Variants in ZNF57 observed in about 807,000 individuals in gnomAD.
ZNF57 encodes zinc finger protein 57.
A neutral mutation model predicts 13.4 loss-of-function variants in ZNF57; 11 were observed. The observed-to-expected ratio is 0.82, with a 90% confidence interval of 0.52 to 1.36. ZNF57 has a LOEUF of 1.36. Ranked by LOEUF, ZNF57 falls within the 40% of genes most tolerant of loss-of-function variation. The pLI is 0.00. For synonymous variants in ZNF57, 224 were observed against 238.5 expected (o/e 0.94, Z 0.56); for missense variants, 696 against 667.5 (o/e 1.04, Z -0.47).
At chr19:2,901,730 A>G (rs935287085) in intron 1 of ZNF57, among the ~76,000 whole-genome samples, 14 of 151,970 alleles carry the variant, frequency 9.2e-5, no homozygotes, top group Non-Finnish European at 1.8e-4. Flanking sequence ...TGTTGGCCAG[A>G]ATGGTCTCGA....
rs778496568 is a variant in ZNF57 at position 2,918,224 on chromosome 19, C to T, written c.1603C>T (p.Gln535Ter). 19 of 1,613,812 alleles carry T rather than the reference C, an allele frequency of 1.2e-5. No homozygotes were observed. The highest frequency in any genetic ancestry group is 1.5e-5 in the Non-Finnish European group (18 of 1,179,898). ...CACAGGACAGAAATCCCACGAATGT[C>T]AGTCATACTCAAAAGCCTTCAGTTG... Reference protein sequence around the residue: ...MHTGQKSHECQSYSKAFSCQV... With the variant: ...MHTGQKSHEC Residue 535 changes from glutamine (Q) to a stop codon, truncating the protein, a stop_gained, in exon 4 of 4, where the codon CAG becomes TAG. Coordinates refer to ENST00000306908, the MANE Select transcript of ZNF57 (RefSeq NM_173480.3). LOFTEE classifies it low-confidence loss of function (END_TRUNC).
At chr19:2,916,431 G>A (rs967905458) in intron 3 of ZNF57, 182 bp downstream of exon 3, 8 of 578,110 alleles carry the variant, frequency 1.4e-5, no homozygotes, top group African/African-American at 1.1e-4. Flanking sequence ...AATTACAGGG[G>A]GCCGGGCGCG....
chr19:2,916,855 C>G (rs1052173982), intron 3 of ZNF57, 69 bp from the exon 4 acceptor site: 1 of 1,308,060 alleles, frequency 7.6e-7, no homozygotes, highest in Non-Finnish European at 1.0e-6. Context: ...ATTTCTAATA[C>G]TTGTTAATAC....
At chr19:2,912,876 GT>G (rs1450179436) in intron 1 of ZNF57, among the ~76,000 whole-genome samples, 1 of 151,966 alleles carries the variant, frequency 6.6e-6, no homozygotes, top group Non-Finnish European at 1.5e-5. Context: ...TCTCCTTTTT[GT>G]TTTGATTTGC....
chr19:2,912,554 C>T (rs1257220477), intron 1 of ZNF57, among the ~76,000 whole-genome samples: 3 of 152,068 alleles, frequency 2.0e-5, no homozygotes, highest in Admixed American at 6.6e-5. Flanking sequence ...CCTCTCTCTT[C>T]AGTTTGAGGG....
chr19:2,917,015 A>G lies in ZNF57; in HGVS notation c.394A>G (p.Lys132Glu), dbSNP rs1755766843. 6.2e-7 allele frequency: 1 copy of G among 1,614,184 alleles called. No individual in the cohort carries two copies. Among genetic ancestry groups the G allele is most frequent in the Non-Finnish European group, 8.5e-7 (1 of 1,180,014 alleles). Reference sequence around the variant, plus strand: ...AATGCCAGATCTTACCCTGCACAAGAAAGTTTCTGCTGGAGAAAAACCATA... The same window carrying G: ...AATGCCAGATCTTACCCTGCACAAGGAAGTTTCTGCTGGAGAAAAACCATA... ...HQMPDLTLHK[K>E]VSAGEKPYEC... The change falls in exon 4 of 4, where the codon AAA becomes GAA. Residue 132 changes from lysine to glutamate, a missense_variant. This residue lies in a region of ZNF57 where 645 missense variants were observed against 591.5 expected (regional missense o/e 1.09). Transcript: ENST00000306908.
rs961794624 is a variant in ZNF57 at position 2,917,018 on chromosome 19, G to A, written c.397G>A (p.Val133Ile). The change falls in exon 4 of 4, where the codon GTT (valine) becomes ATT (isoleucine). Residue 133 changes from valine (V) to isoleucine (I), a missense_variant. By Grantham distance (29) the Val-to-Ile change is conservative (BLOSUM62 3). Transcript: ENST00000306908. ...GCCAGATCTTACCCTGCACAAGAAA[G>A]TTTCTGCTGGAGAAAAACCATATGA... ...QMPDLTLHKK[V>I]SAGEKPYECT... 1.9e-6 allele frequency: 3 copies of A among 1,614,186 alleles called. No individual in the cohort carries two copies. In the African/African-American group the frequency reaches 4.0e-5, roughly 22 times the overall value.
Position 2,916,254 on chromosome 19 carries a change from GT to G in ZNF57, c.302+7del. 6.3e-7 allele frequency: 1 copy of G among 1,595,840 alleles called. No homozygotes were observed. The highest frequency in any genetic ancestry group is 8.5e-7 in the Non-Finnish European group (1 of 1,172,134). ...AGACCACCACAAAAATCTGAGGTGA[GT>G]TGCACTCACAAGAGAAAAATCCTTG... is the stretch of plus-strand genomic sequence containing the variant. On this transcript the variant is annotated splice_donor_region_variant and intron_variant, in intron 3 of 3. Transcript: ENST00000306908.
At chr19:2,905,051 G>A (rs967612675) in intron 1 of ZNF57, among the ~76,000 whole-genome samples, 6 of 152,118 alleles carry the variant, frequency 3.9e-5, no homozygotes, top group Admixed American at 6.6e-5. Context: ...ACTGCCCCTC[G>A]TTTCCAGCAT....
At chr19:2,908,803 C>T (rs1052295253) in intron 1 of ZNF57, among the ~76,000 whole-genome samples, 1 of 152,136 alleles carries the variant, frequency 6.6e-6, no homozygotes, top group Admixed American at 6.6e-5. Context: ...TCAGTTATCA[C>T]TCTCCTATTG....
intron 1 of ZNF57, among the ~76,000 whole-genome samples, chr19:2,911,047 T>C (rs1488451136): frequency 6.6e-6 from 1 of 150,646 alleles, no homozygotes; most frequent in African/African-American, 2.4e-5. Context: ...TTTCCTTTTT[T>C]TAGTGATAGC....
chr19:2,903,054 C>T (rs1402520431), intron 1 of ZNF57, among the ~76,000 whole-genome samples: 1 of 152,160 alleles, frequency 6.6e-6, no homozygotes, highest in Non-Finnish European at 1.5e-5. Context: ...GTCCTCCTGC[C>T]TCGTAGAACA....
chr19:2,902,361 A>G (rs2088037672), intron 1 of ZNF57, among the ~76,000 whole-genome samples: 2 of 152,086 alleles, frequency 1.3e-5, no homozygotes, highest in Admixed American at 1.3e-4. Flanking sequence ...CTTAGTGACA[A>G]TAGGAAAATG....
chr19:2,916,073 TGCAGA>T lies in ZNF57; in HGVS notation c.131-4_131del. 6.2e-7 allele frequency: 1 copy of T among 1,604,692 alleles called. No individual in the cohort carries two copies. Among genetic ancestry groups the T allele is most frequent in the South Asian group, 1.1e-5 (1 of 89,876 alleles). On this transcript the variant is annotated splice_acceptor_variant and splice_polypyrimidine_tract_variant and coding_sequence_variant and intron_variant, in exon 3 of 4. Coordinates refer to ENST00000306908, the MANE Select transcript of ZNF57 (RefSeq NM_173480.3). LOFTEE classifies it high-confidence loss of function. ...TTTTGAGATTTGTTTACTTTTTTGT[TGCAGA>T]TGATGGGACTCAATTTAAAGCCAAT...
chr19:2,908,027 GT>G (rs537421428), intron 1 of ZNF57, among the ~76,000 whole-genome samples: 52 of 152,246 alleles, frequency 3.4e-4, no homozygotes, highest in African/African-American at 1.2e-3. Flanking sequence ...ATCAAGATTT[GT>G]TTCTCCATTG....
At chr19:2,903,966 C>T (rs1311647890) in intron 1 of ZNF57, among the ~76,000 whole-genome samples, 9 of 152,172 alleles carry the variant, frequency 5.9e-5, no homozygotes, top group Non-Finnish European at 5.9e-5. Context: ...CCGCTCGCCT[C>T]AGCCTCCGAA....
chr19:2,905,303 T>C (rs2088062700), intron 1 of ZNF57, among the ~76,000 whole-genome samples: 1 of 149,894 alleles, frequency 6.7e-6, no homozygotes, highest in Non-Finnish European at 1.5e-5. Context: ...TAGCTGAGAT[T>C]ACAGGCACAT....
rs1414692342 is a variant in ZNF57, at chr19:2,915,570, T to C, written c.52T>C (p.Trp18Arg). Residue 18 changes from tryptophan to arginine, a missense_variant, in exon 2 of 4, where the codon TGG (tryptophan) becomes CGG (arginine). Transcript: ENST00000306908. ...GGCTGTGGACTTCACCCTGGAGGAG[T>C]GGGCTTTGCTGGATTCTGCTCAGAG... ...DVAVDFTLEE[W>R]ALLDSAQRDL... 1 of 1,613,770 alleles carries C rather than the reference T, an allele frequency of 6.2e-7. No individual in the cohort carries two copies. The highest frequency in any genetic ancestry group is 1.3e-5 in the African/African-American group (1 of 74,862).
chr19:2,910,680 TCAATCTCC>T (rs540344893), intron 1 of ZNF57, among the ~76,000 whole-genome samples: 4,546 of 113,872 alleles, frequency 0.04, 1,089 homozygotes, highest in African/African-American at 0.13. Flanking sequence ...CACGATGGTC[TCAATCTCC>T]TGACATCGTG....
Sources: gnomAD v4.1 joint callset for allele counts (sites outside exome capture counted in the v4.1 genomes callset) on GRCh38, gnomAD v4.1.1 for gene constraint, gnomAD v4.1.1 regional missense constraint, MANE v1.5 for transcripts, NCBI Gene and HGNC (gene_info 2026-07-23, HGNC 2026-07-21) for gene names.